CPPED1: variants seen among roughly 807,000 people sequenced by gnomAD.
The protein encoded by CPPED1 is serine/threonine-protein phosphatase CPPED1.
A neutral mutation model predicts 28.0 loss-of-function variants in CPPED1; 28 were observed. That is an observed-to-expected ratio of 1.00 (90% CI 0.74 to 1.37). The LOEUF (loss-of-function observed/expected upper bound fraction) is 1.37, where lower values mean the gene tolerates loss of function less well. Among genes scored for constraint, CPPED1 ranks in the 40% most tolerant of loss-of-function variants. CPPED1 has a pLI of 0.00. For synonymous variants in CPPED1, 198 were observed against 180.2 expected (o/e 1.10, Z -0.79); for missense variants, 504 against 416.5 (o/e 1.21, Z -1.83).
chr16:12,689,004 T>A (rs2079948228), intron 3 of CPPED1, among the ~76,000 whole-genome samples: 1 of 152,166 alleles, frequency 6.6e-6, no homozygotes, highest in Non-Finnish European at 1.5e-5. Context: ...GGTCTGTTTA[T>A]GCATGAAGAA....
In CPPED1 at chr16:12,679,490, G is replaced by A. The variant is rs931613760; in HGVS notation, c.716-14375C>T. 3.3e-5 allele frequency among the ~76,000 whole-genome samples: 5 copies of A among 152,306 alleles called. No individual in the cohort carries two copies. In the East Asian group the frequency reaches 9.6e-4, roughly 29 times the overall value. On this transcript the variant is annotated intron_variant, in intron 3 of 3. Coordinates refer to ENST00000381774, the MANE Select transcript of CPPED1 (RefSeq NM_018340.3). The stretch of plus-strand genomic sequence containing the variant: ...TCCCTATTCCTGTTTTAGGAGTTTA[G>A]TGTGTATTTTCCAGATAATTTAAAT...
At chr16:12,791,181 C>T (rs953525596) in intron 1 of CPPED1, among the ~76,000 whole-genome samples, 6 of 151,930 alleles carry the variant, frequency 3.9e-5, no homozygotes, top group Non-Finnish European at 7.4e-5. Flanking sequence ...GCCCCGCATG[C>T]ATTAGGTATT....
intron 2 of CPPED1, among the ~76,000 whole-genome samples, chr16:12,756,806 G>T (rs889575684): frequency 4.6e-5 from 7 of 152,092 alleles, no homozygotes; most frequent in South Asian, 2.1e-4. Flanking sequence ...AGCAATTAAG[G>T]GTCCCTATGG....
At chr16:12,691,934 T>G (rs138962905) in intron 3 of CPPED1, among the ~76,000 whole-genome samples, 2,691 of 151,338 alleles carry the variant, frequency 0.018, 90 homozygotes, top group African/African-American at 0.063. Flanking sequence ...TGCACATTGT[T>G]CACATGTACC....
intron 2 of CPPED1, among the ~76,000 whole-genome samples, chr16:12,729,254 C>T (rs1422908387): frequency 6.6e-6 from 1 of 152,024 alleles, no homozygotes; most frequent in East Asian, 1.9e-4. Context: ...GAAGATGGCT[C>T]CAAGGGCCAG....
intron 2 of CPPED1, among the ~76,000 whole-genome samples, chr16:12,726,513 T>C (rs971685121): frequency 7.9e-5 from 12 of 151,974 alleles, no homozygotes; most frequent in Admixed American, 7.9e-4. Flanking sequence ...CAGCTAATTT[T>C]TGAATTTTTA....
intron 3 of CPPED1, among the ~76,000 whole-genome samples, chr16:12,701,872 T>C (rs1353456460): frequency 6.6e-6 from 1 of 152,154 alleles, no homozygotes; most frequent in Non-Finnish European, 1.5e-5. Flanking sequence ...CCTCCGGAGA[T>C]GGAGCCATTG....
intron 2 of CPPED1, among the ~76,000 whole-genome samples, chr16:12,777,930 G>C (rs2080507598): frequency 7.5e-6 from 1 of 133,070 alleles, no homozygotes; most frequent in Admixed American, 8.4e-5. Flanking sequence ...CTTTTTTTGA[G>C]ATGAAGTCTT....
chr16:12,772,691 G>C lies in CPPED1; in HGVS notation c.289+8494C>G, dbSNP rs7198455. On this transcript the variant is annotated intron_variant, in intron 2 of 3. Transcript: ENST00000381774. The stretch of plus-strand genomic sequence containing the variant: ...CAATGGATGTGCGAAAGTTAACTCG[G>C]GGAATGACATTAAATCAGAAAAGCC... Among the ~76,000 whole-genome samples, 1,404 of 152,232 alleles carry C rather than the reference G, an allele frequency of 9.2e-3. 13 individuals are homozygous for C. The highest frequency in any genetic ancestry group is 0.033 in the African/African-American group (1,355 of 41,544).
rs75427416 is a variant in CPPED1, at chr16:12,714,845, G to A, written c.290-9796C>T. On this transcript the variant is annotated intron_variant, in intron 2 of 3. Transcript: ENST00000381774. ...CTGTTTTGTCACCTGTGCTTTTAGC[G>A]TTATATCTAAGAAATCACTTTCCAA... 2.7e-3 allele frequency among the ~76,000 whole-genome samples: 410 copies of A among 152,256 alleles called. 2 individuals are homozygous for A. The highest frequency in any genetic ancestry group is 9.3e-3 in the African/African-American group (385 of 41,566).
intron 3 of CPPED1, among the ~76,000 whole-genome samples, chr16:12,677,836 C>A (rs2079885560): frequency 6.6e-6 from 1 of 152,182 alleles, no homozygotes; most frequent in Non-Finnish European, 1.5e-5. Flanking sequence ...ACTTAATTGA[C>A]CTGGGTCAGC....
intron 2 of CPPED1, among the ~76,000 whole-genome samples, chr16:12,727,822 T>C (rs192053160): frequency 3.9e-4 from 60 of 152,306 alleles, no homozygotes; most frequent in Non-Finnish European, 7.1e-4. Context: ...GCCAGTAGTA[T>C]TAAAAAGCAA....
intron 2 of CPPED1, among the ~76,000 whole-genome samples, chr16:12,712,042 G>C (rs1421797411): frequency 2.6e-5 from 4 of 152,140 alleles, no homozygotes; most frequent in Non-Finnish European, 5.9e-5. Context: ...GAGAAATGCA[G>C]GAAAGAACAC....
rs557768289 is a variant in CPPED1 at position 12,699,429 on chromosome 16, A to G, written c.715+5195T>C. 1.5e-3 allele frequency among the ~76,000 whole-genome samples: 228 copies of G among 151,966 alleles called. 2 individuals carry two copies. Among genetic ancestry groups the G allele is most frequent in the South Asian group, 3.5e-3 (17 of 4,798 alleles). The stretch of plus-strand genomic sequence containing the variant: ...GAGGCTGGCAGGCTTCGATTCACAC[A>G]GCACACCCCTCCACTCCCGGTGGTC... On this transcript the variant is annotated intron_variant, in intron 3 of 3. Coordinates refer to ENST00000381774, the MANE Select transcript of CPPED1 (RefSeq NM_018340.3).
At chr16:12,718,629 G>A (rs759743996) in intron 2 of CPPED1, among the ~76,000 whole-genome samples, 2 of 151,920 alleles carry the variant, frequency 1.3e-5, no homozygotes, top group Non-Finnish European at 2.9e-5. Flanking sequence ...CTCTTATATG[G>A]CTGGCTGGGA....
At chr16:12,783,516 A>T (rs1033615355) in intron 1 of CPPED1, among the ~76,000 whole-genome samples, 3 of 151,770 alleles carry the variant, frequency 2.0e-5, no homozygotes, top group African/African-American at 7.3e-5. Context: ...TAAATTAAAT[A>T]AATAAATAAA....
intron 2 of CPPED1, among the ~76,000 whole-genome samples, chr16:12,722,301 C>A (rs986987811): frequency 6.6e-6 from 1 of 152,214 alleles, no homozygotes; most frequent in East Asian, 1.9e-4. Flanking sequence ...AAATCAATAT[C>A]GCCCTCAGGT....
chr16:12,754,540 T>C (rs2141221250), intron 2 of CPPED1, among the ~76,000 whole-genome samples: 1 of 152,316 alleles, frequency 6.6e-6, no homozygotes, highest in East Asian at 1.9e-4. Context: ...AGGTTCTTCA[T>C]CTTACAAAAG....
chr16:12,731,647 C>T lies in CPPED1; in HGVS notation c.290-26598G>A, dbSNP rs547769752. ...ACGGAAATGGGGAGCCTTCATCACG[C>T]GATGGTGAAGGCCGTGGGCGAGAAG... On this transcript the variant is annotated intron_variant, in intron 2 of 3. Coordinates refer to ENST00000381774, the MANE Select transcript of CPPED1 (RefSeq NM_018340.3). Among the ~76,000 whole-genome samples, 22 of 151,276 alleles carry T rather than the reference C, an allele frequency of 1.5e-4. 1 individual carries two copies. The highest frequency in any genetic ancestry group is 7.8e-4 in the East Asian group (4 of 5,148).
Sources: allele counts gnomAD v4.1 joint callset (sites outside exome capture counted in the v4.1 genomes callset), GRCh38; gene constraint gnomAD v4.1.1; transcripts MANE v1.5; gene names NCBI Gene and HGNC (gene_info 2026-07-23, HGNC 2026-07-21).